TTC17: variants seen among roughly 807,000 people sequenced by gnomAD.
TTC17 encodes the protein tetratricopeptide repeat domain 17.
TTC17 carries 58 observed loss-of-function variants against 143.8 expected under a neutral mutation model. That is an observed-to-expected ratio of 0.40 (90% CI 0.33 to 0.50). The LOEUF is 0.50. TTC17 is among the 20% of genes least tolerant of loss of function. The probability of loss-of-function intolerance (pLI) is 0.49; values close to 1 mark genes in which losing one functional copy is unlikely to be tolerated. For synonymous variants in TTC17, 501 were observed against 497.8 expected, an observed-to-expected ratio of 1.01 and a Z score of -0.09; for missense variants, 1,273 against 1,392.5, an observed-to-expected ratio of 0.91 and a Z score of 1.37.
intron 9 of TTC17, 29 bp downstream of exon 9, chr11:43,400,077 C>CA: frequency 6.3e-7 from 1 of 1,599,664 alleles, no homozygotes; most frequent in Non-Finnish European, 8.5e-7. Context: ...TAATTGAAGA[C>CA]AGGTTAGGAA....
intron 16 of TTC17, chr11:43,435,508 T>A (rs1326991881): frequency 1.3e-5 from 2 of 152,212 alleles, no homozygotes; most frequent in Non-Finnish European, 2.9e-5. Context: ...CTTAATAGGA[T>A]CAAAATCCTT....
intron 2 of TTC17, among the ~76,000 whole-genome samples, chr11:43,380,563 G>T (rs1856926911): frequency 6.6e-6 from 1 of 152,158 alleles, no homozygotes; most frequent in Non-Finnish European, 1.5e-5. Flanking sequence ...CCAAAAGCTG[G>T]CATACCTGTT....
At chr11:43,428,169 T>C (rs375709512) in intron 16 of TTC17, among the ~76,000 whole-genome samples, 61 of 152,298 alleles carry the variant, frequency 4.0e-4, no homozygotes, top group African/African-American at 1.3e-3. Context: ...ATGAAAGTTA[T>C]AAACTAGTGT....
chr11:43,477,101 C>A (rs1441999307), intron 21 of TTC17, among the ~76,000 whole-genome samples: 2 of 152,164 alleles, frequency 1.3e-5, no homozygotes, highest in East Asian at 1.9e-4. Flanking sequence ...GGGCAAAATG[C>A]CACCAGTCTC....
chr11:43,445,929 AG>A, intron 18 of TTC17: 2 of 1,213,450 alleles, frequency 1.6e-6, no homozygotes, highest in Non-Finnish European at 2.3e-6. Flanking sequence ...TTTTTTGGTT[AG>A]GGCTACTAGA....
Position 43,421,851 on chromosome 11 carries a change from C to T in TTC17, c.2251+7075C>T, listed in dbSNP as rs1379219734. ...GCCAAAACCCCATCCCCACCCACCC[C>T]CCAGTCTTTGGAAAAGTTGTCTTCT... On this transcript the variant is annotated intron_variant, in intron 16 of 23. Transcript: ENST00000039989. 4.0e-5 allele frequency among the ~76,000 whole-genome samples: 6 copies of T among 150,536 alleles called. No individual in the cohort carries two copies. In the South Asian group the frequency reaches 1.1e-3, roughly 26 times the overall value.
chr11:43,443,263 CA>C, intron 16 of TTC17, 61 bp from the exon 17 acceptor site: 1 of 1,572,988 alleles, frequency 6.4e-7, no homozygotes, highest in Admixed American at 1.8e-5. Flanking sequence ...GGGTTGGAGT[CA>C]CCCAAGGTCT....
At chr11:43,419,692 T>A (rs1946856097) in intron 16 of TTC17, among the ~76,000 whole-genome samples, 1 of 152,130 alleles carries the variant, frequency 6.6e-6, no homozygotes, top group Non-Finnish European at 1.5e-5. Flanking sequence ...TAATAGTACT[T>A]TTTTTAGAGG....
At chr11:43,426,800 A>G (rs751563819) in intron 16 of TTC17, among the ~76,000 whole-genome samples, 3 of 152,218 alleles carry the variant, frequency 2.0e-5, no homozygotes, top group Non-Finnish European at 2.9e-5. Context: ...AAAAGACAAA[A>G]TAGCCTTTAT....
intron 1 of TTC17, among the ~76,000 whole-genome samples, chr11:43,378,590 T>G (rs1248408592): frequency 6.6e-6 from 1 of 152,246 alleles, no homozygotes; most frequent in East Asian, 1.9e-4. Context: ...GACTTTCTTT[T>G]GCTCAAAGGT....
intron 16 of TTC17, among the ~76,000 whole-genome samples, chr11:43,418,964 TTTTAC>T (rs1293768887): frequency 2.0e-5 from 3 of 152,262 alleles, no homozygotes; most frequent in Admixed American, 6.5e-5. Context: ...ATACATTCGA[TTTTAC>T]TTTATTTTTA....
chr11:43,434,798 A>G (rs1004307938), intron 16 of TTC17, among the ~76,000 whole-genome samples: 8 of 152,230 alleles, frequency 5.3e-5, no homozygotes, highest in African/African-American at 1.7e-4. Flanking sequence ...AATTTCTGAC[A>G]TAGTCTTGTT....
rs140424717 is a variant in TTC17, at chr11:43,420,087, A to G, written c.2251+5311A>G. 5.3e-3 allele frequency among the ~76,000 whole-genome samples: 800 copies of G among 152,312 alleles called. 3 individuals are homozygous for G. Among genetic ancestry groups the G allele is most frequent in the Admixed American group, 0.01 (160 of 15,288 alleles). On this transcript the variant is annotated intron_variant, in intron 16 of 23. Transcript: ENST00000039989. ...AACAGTTTTTTAACATGTATCTTTA[A>G]CATGTATTTAACATGTGATAGAGGA...
intron 21 of TTC17, among the ~76,000 whole-genome samples, chr11:43,456,541 C>G (rs947443939): frequency 6.6e-6 from 1 of 152,134 alleles, no homozygotes; most frequent in Non-Finnish European, 1.5e-5. Context: ...TTGAATGAAC[C>G]AGATAAACTT....
intron 2 of TTC17, among the ~76,000 whole-genome samples, chr11:43,381,863 A>G (rs1856981171): frequency 6.6e-6 from 1 of 152,196 alleles, no homozygotes; most frequent in South Asian, 2.1e-4. Context: ...GCTGAGGTTG[A>G]TATTAGCTGA....
chr11:43,447,909 C>A, intron 18 of TTC17, 93 bp from the exon 19 acceptor site: 1 of 1,499,776 alleles, frequency 6.7e-7, no homozygotes, highest in Admixed American at 2.0e-5. Flanking sequence ...CCTCCAAATA[C>A]ACCAATCCAG....
intron 21 of TTC17, among the ~76,000 whole-genome samples, chr11:43,459,018 G>A (rs890496685): frequency 3.3e-5 from 5 of 152,144 alleles, no homozygotes; most frequent in Non-Finnish European, 5.9e-5. Context: ...GCATACACCG[G>A]GGGTCTTGGA....
chr11:43,439,477 T>G (rs537714819), intron 16 of TTC17, among the ~76,000 whole-genome samples: 28 of 151,084 alleles, frequency 1.9e-4, no homozygotes, highest in African/African-American at 6.6e-4. Flanking sequence ...TTGGTTTTTT[T>G]TTTTTTTTGA....
chr11:43,407,892 T>C (rs1858218794), intron 15 of TTC17, among the ~76,000 whole-genome samples: 1 of 152,198 alleles, frequency 6.6e-6, no homozygotes, highest in Non-Finnish European at 1.5e-5. Flanking sequence ...GTTTGTATTT[T>C]ATCCTACTCA....
Sources: gnomAD v4.1 joint callset for allele counts (sites outside exome capture counted in the v4.1 genomes callset) on GRCh38, gnomAD v4.1.1 for gene constraint, MANE v1.5 for transcripts, NCBI Gene and HGNC (gene_info 2026-07-23, HGNC 2026-07-21) for gene names.